Variants in XNDC1N observed in about 807,000 individuals in gnomAD.
XNDC1N encodes the protein XRCC1 N-terminal domain containing 1, N-terminal like.
the XNDC1N span, among the ~76,000 whole-genome samples, chr11:71,913,228 G>A: frequency 6.6e-6 from 1 of 152,142 alleles, no homozygotes; most frequent in East Asian, 1.9e-4. Flanking sequence ...GTGGATATTA[G>A]GAAGAGTATC....
chr11:71,874,099 G>A, the XNDC1N span, among the ~76,000 whole-genome samples: 1 of 152,166 alleles, frequency 6.6e-6, no homozygotes, highest in Non-Finnish European at 1.5e-5. Flanking sequence ...CGGATCATCT[G>A]AGGACAGGAG....
At chr11:71,884,295 G>T in the XNDC1N span, 7 of 1,259,026 alleles carry the variant, frequency 5.6e-6, no homozygotes, top group South Asian at 2.3e-5. Flanking sequence ...TGTTGTTTTT[G>T]TTTTTCTGGG....
the XNDC1N span, among the ~76,000 whole-genome samples, chr11:71,888,493 C>A: frequency 6.6e-6 from 1 of 152,130 alleles, no homozygotes; most frequent in Non-Finnish European, 1.5e-5. Context: ...CAGCCCCAGC[C>A]CTGGGGCTAC....
At chr11:71,888,829 C>T in the XNDC1N span, among the ~76,000 whole-genome samples, 3 of 152,336 alleles carry the variant, frequency 2.0e-5, no homozygotes, top group Admixed American at 1.3e-4. Flanking sequence ...GTGAAAATCC[C>T]CGTATAACCA....
At chr11:71,912,195 CG>C in the XNDC1N span, among the ~76,000 whole-genome samples, 2 of 152,160 alleles carry the variant, frequency 1.3e-5, no homozygotes, top group Non-Finnish European at 2.9e-5. Context: ...CCAGCCGTTC[CG>C]CCCGGCATAC....
At chr11:71,917,713 G>C in the XNDC1N span, 4 of 703,228 alleles carry the variant, frequency 5.7e-6, no homozygotes, top group South Asian at 5.9e-5. Flanking sequence ...GGTTATGAAA[G>C]GTCTGTCCAG....
At chr11:71,888,968 G>C in the XNDC1N span, among the ~76,000 whole-genome samples, 2 of 152,184 alleles carry the variant, frequency 1.3e-5, no homozygotes, top group Non-Finnish European at 2.9e-5. Flanking sequence ...CCAGCCTTGG[G>C]CATCAGTAGA....
At chr11:71,919,929 CTTTTTTTTTTTTTTTTTTTTTTT>C in the XNDC1N span, among the ~76,000 whole-genome samples, 19 of 26,630 alleles carry the variant, frequency 7.1e-4, no homozygotes, top group East Asian at 0.011. Flanking sequence ...AAGCAGGCCT[CTTTTTTTTTTTTTTTTTTTTTTT>C]TTTTTTTTTT....
At chr11:71,883,539 T>C in the XNDC1N span, among the ~76,000 whole-genome samples, 2 of 152,162 alleles carry the variant, frequency 1.3e-5, no homozygotes, top group African/African-American at 4.8e-5. Flanking sequence ...AATATTCATA[T>C]GCAAAAGAAT....
the XNDC1N span, among the ~76,000 whole-genome samples, chr11:71,896,640 C>A: frequency 6.6e-6 from 1 of 152,156 alleles, no homozygotes; most frequent in South Asian, 2.1e-4. Flanking sequence ...CTTGGCTCAC[C>A]GCAACCTCTG....
chr11:71,928,103 TA>T, the XNDC1N span: 1 of 255,026 alleles, frequency 3.9e-6, no homozygotes, highest in Non-Finnish European at 7.7e-6. Context: ...AAAAGGAGGG[TA>T]AGGCAGAAGC....
chr11:71,915,164 G>A, the XNDC1N span, among the ~76,000 whole-genome samples: 21 of 151,902 alleles, frequency 1.4e-4, no homozygotes, highest in African/African-American at 2.4e-4. Context: ...ATTACGACTC[G>A]CTGGCCGGGC....
At chr11:71,891,647 A>T in the XNDC1N span, among the ~76,000 whole-genome samples, 3 of 152,118 alleles carry the variant, frequency 2.0e-5, no homozygotes, top group Admixed American at 6.5e-5. Flanking sequence ...TAGGAAGAAT[A>T]TCACAGGGGT....
chr11:71,891,321 C>T, the XNDC1N span, among the ~76,000 whole-genome samples: 1 of 151,910 alleles, frequency 6.6e-6, no homozygotes, highest in South Asian at 2.1e-4. Flanking sequence ...ATATCATCCT[C>T]TCTCCCTCTG....
At chr11:71,903,646 T>A in the XNDC1N span, 1 of 436,130 alleles carries the variant, frequency 2.3e-6, no homozygotes, top group Non-Finnish European at 4.0e-6. Flanking sequence ...CTTGTTTTTT[T>A]TTTCTTTTTT....
chr11:71,904,943 G>A, the XNDC1N span, among the ~76,000 whole-genome samples: 4 of 152,052 alleles, frequency 2.6e-5, no homozygotes, highest in African/African-American at 4.8e-5. Context: ...ATCACAGGGA[G>A]TACACCCCGT....
At chr11:71,921,375 C>T in the XNDC1N span, among the ~76,000 whole-genome samples, 1 of 152,112 alleles carries the variant, frequency 6.6e-6, no homozygotes, top group Non-Finnish European at 1.5e-5. Context: ...AACTCCTGGG[C>T]TCAAGCAATC....
the XNDC1N span, chr11:71,903,645 T>A: frequency 2.3e-6 from 1 of 435,664 alleles, no homozygotes; most frequent in Non-Finnish European, 4.0e-6. Flanking sequence ...CCTTGTTTTT[T>A]TTTTCTTTTT....
At chr11:71,924,603 G>A in the XNDC1N span, among the ~76,000 whole-genome samples, 5,222 of 152,130 alleles carry the variant, frequency 0.034, 86 homozygotes, top group East Asian at 0.08. Context: ...GCGTGAACCC[G>A]GGAGGTGGAG....
Sources: allele counts gnomAD v4.1 joint callset (sites outside exome capture counted in the v4.1 genomes callset), GRCh38; gene constraint gnomAD v4.1.1; transcripts MANE v1.5; gene names NCBI Gene and HGNC (gene_info 2026-07-23, HGNC 2026-07-21).